The following ARHGAP39 variants were observed in gnomAD, a reference collection of about 807,000 sequenced individuals.
The protein encoded by ARHGAP39 is rho GTPase-activating protein 39.
A neutral mutation model predicts 106.9 loss-of-function variants in ARHGAP39; 44 were observed. The observed-to-expected ratio is 0.41, with a 90% CI of 0.32 to 0.53. ARHGAP39 has a LOEUF of 0.53. Among genes scored for constraint, ARHGAP39 ranks in the 20% least tolerant of loss-of-function variants. ARHGAP39 has a pLI of 0.21. For synonymous variants in ARHGAP39, 768 were observed against 693.2 expected (o/e 1.11, Z -1.69); for missense variants, 1,496 against 1,577.3 (o/e 0.95, Z 0.87).
intron 1 of ARHGAP39, among the ~76,000 whole-genome samples, chr8:144,615,742 C>A (rs1820618649): frequency 6.6e-6 from 1 of 152,268 alleles, no homozygotes; most frequent in Non-Finnish European, 1.5e-5. Flanking sequence ...GAACAATGAA[C>A]CCAGTCTCAT....
intron 3 of ARHGAP39, among the ~76,000 whole-genome samples, chr8:144,578,672 A>AC (rs1818856526): frequency 1.3e-5 from 2 of 151,980 alleles, no homozygotes; most frequent in South Asian, 4.2e-4. Flanking sequence ...ACATAGTGAA[A>AC]CCCCAATCTC....
At chr8:144,542,168 T>TG (rs1475639084) in intron 6 of ARHGAP39, among the ~76,000 whole-genome samples, 1 of 152,142 alleles carries the variant, frequency 6.6e-6, no homozygotes, top group Non-Finnish European at 1.5e-5. Context: ...GTGGAGCAGG[T>TG]GGGAGAGCTG....
chr8:144,606,390 G>A (rs984280386), intron 1 of ARHGAP39, among the ~76,000 whole-genome samples: 4 of 152,182 alleles, frequency 2.6e-5, no homozygotes, highest in Non-Finnish European at 5.9e-5. Context: ...ATGTGAACAC[G>A]ACGAGGATGA....
intron 1 of ARHGAP39, among the ~76,000 whole-genome samples, chr8:144,680,046 CT>C (rs1822362199): frequency 6.6e-6 from 1 of 152,136 alleles, no homozygotes; most frequent in Admixed American, 6.6e-5. Flanking sequence ...CATTATGACC[CT>C]TATCTCCCAT....
chr8:144,681,991 G>A (rs573794328), intron 1 of ARHGAP39, among the ~76,000 whole-genome samples: 9 of 152,302 alleles, frequency 5.9e-5, no homozygotes, highest in Admixed American at 3.9e-4. Context: ...CTTCTCGGCC[G>A]GGTGCGGTGG....
chr8:144,567,578 A>G (rs1161221060), intron 3 of ARHGAP39, among the ~76,000 whole-genome samples: 2 of 152,152 alleles, frequency 1.3e-5, no homozygotes, highest in Non-Finnish European at 2.9e-5. Flanking sequence ...GCCTGCAGTT[A>G]TCCAGAGGCC....
At chr8:144,567,556 TCA>T in intron 3 of ARHGAP39, among the ~76,000 whole-genome samples, 1 of 152,254 alleles carries the variant, frequency 6.6e-6, no homozygotes, top group African/African-American at 2.4e-5. Context: ...GGGCCTGACA[TCA>T]GTCAGGCTCG....
In ARHGAP39 at chr8:144,591,277, C is replaced by T. The variant is rs1022441838; in HGVS notation, c.81-10000G>A. Among the ~76,000 whole-genome samples, 16 of 152,114 alleles carry T rather than the reference C, an allele frequency of 1.1e-4. No homozygotes were observed. The highest frequency in any genetic ancestry group is 1.5e-4 in the Non-Finnish European group (10 of 68,012). Reference sequence around the variant, plus strand: ...CACAGACCTGCAGGGGAGGGTGGCGCGTGTGAGGAGCACCTGCTGGGACAT... The same window carrying T: ...CACAGACCTGCAGGGGAGGGTGGCGTGTGTGAGGAGCACCTGCTGGGACAT... On this transcript the variant is annotated intron_variant, in intron 2 of 11. Coordinates refer to ENST00000377307, the MANE Select transcript of ARHGAP39 (RefSeq NM_025251.3). The surrounding 1 kb of genome is among the most constrained non-coding windows in gnomAD (Gnocchi z 5.3).
chr8:144,553,825 G>C (rs980264437), intron 4 of ARHGAP39, among the ~76,000 whole-genome samples: 1 of 152,242 alleles, frequency 6.6e-6, no homozygotes, highest in Non-Finnish European at 1.5e-5. Context: ...GGGCTGGGCC[G>C]CCCAACGCAG....
At chr8:144,695,598 G>A in the ARHGAP39 span, among the ~76,000 whole-genome samples, 1 of 152,140 alleles carries the variant, frequency 6.6e-6, no homozygotes, top group Non-Finnish European at 1.5e-5. Context: ...GCCAAGAGAC[G>A]GCTAGCGCTC....
At chr8:144,592,805 T>C (rs1294776990) in intron 2 of ARHGAP39, among the ~76,000 whole-genome samples, 1 of 151,992 alleles carries the variant, frequency 6.6e-6, no homozygotes. Flanking sequence ...GCCTCAGGGG[T>C]CCCACAGACT....
rs1822333022 is a variant in ARHGAP39, at chr8:144,679,463, A to C, written c.-82+6223T>G. ...GACTCTTGGAAAAGAGTCACAAGCA[A>C]ACGAAACGCGGGCAGGAATCAGCCT... On this transcript the variant is annotated intron_variant, in intron 1 of 11. Transcript: ENST00000377307. This position sits in a 1 kb window ranked among gnomAD's most constrained non-coding sequence, Gnocchi z 4.7. Among the ~76,000 whole-genome samples, 1 of 152,210 alleles carries C rather than the reference A, an allele frequency of 6.6e-6. No homozygotes were observed. Among genetic ancestry groups the C allele is most frequent in the African/African-American group, 2.4e-5 (1 of 41,462 alleles).
chr8:144,652,827 T>C (rs1821606630), intron 1 of ARHGAP39, among the ~76,000 whole-genome samples: 1 of 152,100 alleles, frequency 6.6e-6, no homozygotes, highest in South Asian at 2.1e-4. Context: ...GGCTTAATAC[T>C]TGGGTGATGA....
intron 2 of ARHGAP39, among the ~76,000 whole-genome samples, chr8:144,603,312 C>T (rs564398606): frequency 6.1e-4 from 92 of 151,840 alleles, no homozygotes; most frequent in African/African-American, 2.0e-3. Context: ...TGTGTGTGTG[C>T]GTGTGCATGT....
At chr8:144,582,362 C>T (rs528513217) in intron 2 of ARHGAP39, among the ~76,000 whole-genome samples, 8 of 152,350 alleles carry the variant, frequency 5.3e-5, no homozygotes, top group Middle Eastern at 3.4e-3. Context: ...CACACCTGCT[C>T]GTAGGACACC....
chr8:144,543,193 C>T (rs1185327786), intron 6 of ARHGAP39, among the ~76,000 whole-genome samples: 1 of 152,066 alleles, frequency 6.6e-6, no homozygotes, highest in African/African-American at 2.4e-5. Flanking sequence ...CCAGGCTGGT[C>T]TCAAACTCCC....
At chr8:144,587,465 T>C (rs1819222263) in intron 2 of ARHGAP39, among the ~76,000 whole-genome samples, 1 of 152,126 alleles carries the variant, frequency 6.6e-6, no homozygotes, top group African/African-American at 2.4e-5. Flanking sequence ...AATGTCAAAA[T>C]AAATCCCTGA....
the ARHGAP39 span, among the ~76,000 whole-genome samples, chr8:144,692,198 C>T: frequency 6.6e-6 from 1 of 152,104 alleles, no homozygotes; most frequent in African/African-American, 2.4e-5. Context: ...TTCCCCCTCC[C>T]TCTCTCTGTC....
intron 2 of ARHGAP39, 26 bp downstream of exon 2, chr8:144,605,509 G>C: frequency 1.9e-6 from 3 of 1,612,986 alleles, no homozygotes; most frequent in Non-Finnish European, 8.5e-7. Context: ...GGCCCGGGCA[G>C]CTCCGCAGGT....
Sources: allele counts gnomAD v4.1 joint callset (sites outside exome capture counted in the v4.1 genomes callset), GRCh38; gene constraint gnomAD v4.1.1; non-coding constraint Gnocchi (gnomAD v3.1); transcripts MANE v1.5; gene names NCBI Gene and HGNC (gene_info 2026-07-23, HGNC 2026-07-21).